The following SYNE2 variants were observed in gnomAD, a reference collection of about 807,000 sequenced individuals.
The protein encoded by SYNE2 is spectrin repeat containing nuclear envelope protein 2.
In SYNE2, 431 loss-of-function variants were observed where a neutral mutation model predicts 856.3. That is an observed-to-expected ratio of 0.50 (90% CI 0.47 to 0.55). SYNE2 has a LOEUF of 0.55. Among genes scored for constraint, SYNE2 ranks in the 20% least tolerant of loss-of-function variants. The pLI is 0.00. For missense variants in SYNE2, 8,129 were observed against 8,023.2 expected (o/e 1.01, Z -0.50); for synonymous variants, 2,923 against 2,872.3 (o/e 1.02, Z -0.56).
chr14:63,830,085 C>T (rs1328708798), intron 1 of SYNE2, among the ~76,000 whole-genome samples: 1 of 152,068 alleles, frequency 6.6e-6, no homozygotes, highest in Non-Finnish European at 1.5e-5. Flanking sequence ...ATGGGTGAAA[C>T]TTGAAAACGT....
Position 63,942,093 on chromosome 14 carries a change from A to C in SYNE2, c.358A>C (p.Asn120His), listed in dbSNP as rs1595773305. The C allele has an allele frequency of 6.2e-7, 1 of 1,611,750 alleles. No individual in the cohort carries two copies. The highest frequency in any genetic ancestry group is 8.5e-7 in the Non-Finnish European group (1 of 1,178,422). The change falls in exon 6 of 116, where the codon AAC becomes CAC. Residue 120 changes from asparagine to histidine, a missense_variant. Physicochemically the swap from Asn to His is moderately conservative, Grantham distance 68. This residue lies in a region of SYNE2 where 2,422 missense variants were observed against 2,357.4 expected (regional missense o/e 1.03). Coordinates refer to ENST00000555002, the MANE Select transcript of SYNE2 (RefSeq NM_182914.3). ...NIHVTDIIDG[N>H]PSIILGLIWT... is the part of the protein sequence containing the mutation. Reference sequence around the variant, plus strand: ...TCATGTTACTGATATCATTGATGGAAACCCATCCATTATCCTTGGCCTAAT... The same window carrying C: ...TCATGTTACTGATATCATTGATGGACACCCATCCATTATCCTTGGCCTAAT...
In SYNE2 at chr14:64,021,497, G is replaced by T; in HGVS notation, c.5334G>T (p.Glu1778Asp). ...CCCTGTCTCCTTCTGACAGCTTGGA[G>T]ATCTTCACTAAACTAGAGGTGCTAC... ...LKALSPSDSL[E>D]IFTKLEEIQQ... The change falls in exon 36 of 116, where the codon GAG becomes GAT. Residue 1778 changes from glutamate to aspartate, a missense_variant. Glu to Asp is a conservative substitution (Grantham distance 45). Around this residue, in one of 3 missense-constraint regions of SYNE2, gnomAD observed 2,422 missense variants for 2,357.4 expected, o/e 1.03. Transcript: ENST00000555002. 1.9e-6 allele frequency: 3 copies of T among 1,614,076 alleles called. No individual in the cohort carries two copies. Among genetic ancestry groups the T allele is most frequent in the Non-Finnish European group, 2.5e-6 (3 of 1,180,016 alleles).
intron 1 of SYNE2, among the ~76,000 whole-genome samples, chr14:63,860,816 T>A (rs1216841002): frequency 1.3e-5 from 2 of 152,206 alleles, no homozygotes; most frequent in Non-Finnish European, 2.9e-5. Flanking sequence ...ACTTGTAAGC[T>A]GTCTAGAAGC....
intron 66 of SYNE2, among the ~76,000 whole-genome samples, chr14:64,115,535 C>A (rs1261609896): frequency 6.6e-6 from 1 of 152,200 alleles, no homozygotes; most frequent in Admixed American, 6.5e-5. Context: ...TAGTCTTATC[C>A]GTGGCTGGCA....
intron 1 of SYNE2, among the ~76,000 whole-genome samples, chr14:63,861,144 GTT>G (rs71123806): frequency 0.56 from 71,829 of 127,742 alleles, 20,287 homozygotes; most frequent in South Asian, 0.66. Context: ...TTACCACATT[GTT>G]TTTTTTTTTT....
Position 64,003,260 on chromosome 14 carries a change from A to G in SYNE2, c.4327A>G (p.Ile1443Val), listed in dbSNP as rs1378894344. 4 of 1,613,842 alleles carry G rather than the reference A, an allele frequency of 2.5e-6. No individual in the cohort carries two copies. The highest frequency in any genetic ancestry group is 3.4e-6 in the Non-Finnish European group (4 of 1,180,002). Residue 1443 changes from isoleucine (I) to valine (V), a missense_variant, in exon 30 of 116, where the codon ATT becomes GTT. Coordinates refer to ENST00000555002, the MANE Select transcript of SYNE2 (RefSeq NM_182914.3). ...IFKNNELLKN[I>V]QDVQSQISKI... ...CAAAAATAATGAACTCCTTAAAAATATTCAAGATGTGCAGAGTCAAATCAG... is the reference window on the plus strand; with the variant it reads ...CAAAAATAATGAACTCCTTAAAAATGTTCAAGATGTGCAGAGTCAAATCAG...
At chr14:63,894,568 G>T (rs532364045) in intron 1 of SYNE2, among the ~76,000 whole-genome samples, 14 of 152,042 alleles carry the variant, frequency 9.2e-5, no homozygotes, top group Admixed American at 2.0e-4. Context: ...AGTGTGCTGG[G>T]GCAGAGGTAG....
At chr14:64,007,563 T>A (rs565011426) in intron 31 of SYNE2, among the ~76,000 whole-genome samples, 3 of 152,260 alleles carry the variant, frequency 2.0e-5, no homozygotes, top group Non-Finnish European at 4.4e-5. Context: ...ATTTATTACC[T>A]TATGCTTCTG....
In SYNE2 at chr14:63,913,767, T is replaced by C. The variant is rs532649326; in HGVS notation, c.79+4540T>C. On this transcript the variant is annotated intron_variant, in intron 2 of 115. Transcript: ENST00000555002. ...GTGAGCCACAACACCTGGCCAGCAG[T>C]CCATATTTTAAATGATTTTGCGATA... 1.1e-4 allele frequency among the ~76,000 whole-genome samples: 16 copies of C among 147,528 alleles called. No individual in the cohort carries two copies. The South Asian group carries it at 3.4e-3, about 32-fold the overall frequency.
At chr14:64,159,474 T>C (rs202133186) in intron 87 of SYNE2, 32 bp downstream of exon 87, 3 of 1,608,906 alleles carry the variant, frequency 1.9e-6, no homozygotes, top group Non-Finnish European at 2.5e-6. Flanking sequence ...GAATGATAGA[T>C]ATCTTTATCT....
At chr14:63,939,155 A>G (rs1040521358) in intron 2 of SYNE2, among the ~76,000 whole-genome samples, 59 of 151,922 alleles carry the variant, frequency 3.9e-4, no homozygotes, top group Non-Finnish European at 4.7e-4. Context: ...ATGTGGGGAG[A>G]TGGAAGCTCA....
chr14:63,818,045 A>C (rs1276002966), intron 1 of SYNE2, among the ~76,000 whole-genome samples: 1 of 150,336 alleles, frequency 6.7e-6, no homozygotes, highest in Admixed American at 6.6e-5. Context: ...AAAAAAAAAA[A>C]ACAAATAAAT....
intron 8 of SYNE2, among the ~76,000 whole-genome samples, chr14:63,958,513 A>G (rs545820990): frequency 6.6e-6 from 1 of 152,180 alleles, no homozygotes; most frequent in Non-Finnish European, 1.5e-5. Context: ...TGTCATTCTC[A>G]TCACATCCTT....
Position 64,031,104 on chromosome 14 carries a change from T to G in SYNE2, c.6968T>G (p.Val2323Gly), listed in dbSNP as rs1344808744. The part of the protein sequence containing the change: ...AKSVKQNTSS[V>G]GQKIIKDDIK... ...TCCGTCAAGCAAAATACATCTTCAGTGGGGCAGAAGATTATTAAAGATGAT... is the reference window on the plus strand; with the variant it reads ...TCCGTCAAGCAAAATACATCTTCAGGGGGGCAGAAGATTATTAAAGATGAT... The change falls in exon 45 of 116, where the codon GTG becomes GGG. Residue 2323 changes from valine to glycine, a missense_variant. Physicochemically the swap from Val to Gly is moderately radical, Grantham distance 109. Around this residue, in one of 3 missense-constraint regions of SYNE2, gnomAD observed 297 missense variants for 380.9 expected, o/e 0.78. Coordinates refer to ENST00000555002, the MANE Select transcript of SYNE2 (RefSeq NM_182914.3). 2 of 1,613,980 alleles carry G rather than the reference T, an allele frequency of 1.2e-6. No homozygotes were observed. Among genetic ancestry groups the G allele is most frequent in the Non-Finnish European group, 1.7e-6 (2 of 1,179,914 alleles).
intron 66 of SYNE2, among the ~76,000 whole-genome samples, chr14:64,118,650 C>T (rs2097871811): frequency 6.6e-6 from 1 of 152,004 alleles, no homozygotes; most frequent in Admixed American, 6.5e-5. Flanking sequence ...ATCACGAGGT[C>T]AGGAGTTTGA....
At chr14:63,936,237 G>C (rs1435290205) in intron 2 of SYNE2, among the ~76,000 whole-genome samples, 1 of 152,146 alleles carries the variant, frequency 6.6e-6, no homozygotes, top group Non-Finnish European at 1.5e-5. Context: ...GCTTTTCTAG[G>C]CACTTGGGAC....
At chr14:64,062,689 T>A in intron 49 of SYNE2, 62 bp from the exon 50 acceptor site, 2 of 1,456,726 alleles carry the variant, frequency 1.4e-6, no homozygotes, top group Non-Finnish European at 1.9e-6. Flanking sequence ...TTCTGGGAAA[T>A]TTTGAATTTA....
chr14:63,788,672 G>T (rs1213972507), intron 1 of SYNE2, among the ~76,000 whole-genome samples: 1 of 152,204 alleles, frequency 6.6e-6, no homozygotes, highest in South Asian at 2.1e-4. Context: ...CTGTCCCGGC[G>T]TCCCGCTGCC....
At chr14:64,031,743 C>T (rs1388653734) in intron 45 of SYNE2, among the ~76,000 whole-genome samples, 2 of 152,184 alleles carry the variant, frequency 1.3e-5, no homozygotes, top group Non-Finnish European at 2.9e-5. Context: ...ATAATAAAAT[C>T]AGAGACTGTC....
Sources: gnomAD v4.1 joint callset for allele counts (sites outside exome capture counted in the v4.1 genomes callset) on GRCh38, gnomAD v4.1.1 for gene constraint, gnomAD v4.1.1 regional missense constraint, MANE v1.5 for transcripts, NCBI Gene and HGNC (gene_info 2026-07-23, HGNC 2026-07-21) for gene names.